CA10: variants seen among roughly 807,000 people sequenced by gnomAD.
CA10 encodes the protein carbonic anhydrase-related protein 10.
In CA10, 14 loss-of-function variants were observed where a neutral mutation model predicts 44.2. That is an observed-to-expected ratio of 0.32 (90% confidence interval 0.21 to 0.50). The LOEUF (loss-of-function observed/expected upper bound fraction) is 0.50. Ranked by LOEUF, CA10 falls within the 20% of genes least tolerant of loss-of-function variation. The pLI is 0.99. For missense variants in CA10, 350 were observed against 409.7 expected, an observed-to-expected ratio of 0.85 and a Z score of 1.26; for synonymous variants, 159 against 141.6, an observed-to-expected ratio of 1.12 and a Z score of -0.87.
chr17:52,148,339 T>C (rs927911746), intron 1 of CA10, among the ~76,000 whole-genome samples: 1 of 152,226 alleles, frequency 6.6e-6, no homozygotes. Context: ...GAGAAAAGAA[T>C]GACAATGTAT....
At chr17:51,754,439 A>ATG (rs1905015661) in intron 3 of CA10, among the ~76,000 whole-genome samples, 1 of 131,382 alleles carries the variant, frequency 7.6e-6, no homozygotes, top group South Asian at 2.4e-4. Context: ...ATATATATAT[A>ATG]TATATATATC....
intron 3 of CA10, among the ~76,000 whole-genome samples, chr17:51,927,945 G>A (rs564389952): frequency 6.6e-6 from 1 of 152,244 alleles, no homozygotes; most frequent in African/African-American, 2.4e-5. Flanking sequence ...AAATTTAACA[G>A]GGTCAAAGGG....
At chr17:51,801,230 T>G (rs192755364) in intron 3 of CA10, among the ~76,000 whole-genome samples, 35 of 152,282 alleles carry the variant, frequency 2.3e-4, no homozygotes, top group Middle Eastern at 6.8e-3. Context: ...CACACACATG[T>G]TCACTTTCGT....
At chr17:51,941,755 C>G (rs1261395713) in intron 2 of CA10, among the ~76,000 whole-genome samples, 1 of 152,174 alleles carries the variant, frequency 6.6e-6, no homozygotes, top group African/African-American at 2.4e-5. Flanking sequence ...AGGTGATCTT[C>G]TTCAGCCTTT....
At chr17:52,052,502 G>A (rs897360611) in intron 2 of CA10, among the ~76,000 whole-genome samples, 5 of 151,874 alleles carry the variant, frequency 3.3e-5, no homozygotes, top group African/African-American at 1.2e-4. Flanking sequence ...CTTCCCACAT[G>A]TTATTACAGA....
chr17:51,641,555 A>G (rs1913087717), intron 6 of CA10, among the ~76,000 whole-genome samples: 2 of 152,200 alleles, frequency 1.3e-5, no homozygotes, highest in Non-Finnish European at 2.9e-5. Context: ...TGTAGAATAT[A>G]TGTGTGTATT....
At chr17:51,677,114 A>G (rs530604293) in intron 4 of CA10, among the ~76,000 whole-genome samples, 11 of 152,276 alleles carry the variant, frequency 7.2e-5, no homozygotes, top group African/African-American at 2.4e-4. Context: ...CTGCTACTTG[A>G]GCCTGCAAAA....
chr17:52,136,712 G>T (rs1351372140), intron 1 of CA10, among the ~76,000 whole-genome samples: 1 of 152,080 alleles, frequency 6.6e-6, no homozygotes, highest in Non-Finnish European at 1.5e-5. Flanking sequence ...ATAATTTCTG[G>T]CAAGAGGCTA....
intron 2 of CA10, among the ~76,000 whole-genome samples, chr17:52,017,716 T>C (rs564117059): frequency 1.7e-3 from 259 of 152,120 alleles, no homozygotes; most frequent in Non-Finnish European, 2.8e-3. Flanking sequence ...GAAAGACCAT[T>C]TTCAGGAGAA....
rs1189461020 is a variant in CA10 at position 51,787,660 on chromosome 17, T to TTG, written c.280-39844_280-39843dup. ...TGCACACCACCATGCCTGGCTATAT[T>TTG]TGTGTGTGTGTATTTTTAGTAGAGA... On this transcript the variant is annotated intron_variant, in intron 3 of 8. Transcript: ENST00000451037. 2.0e-5 allele frequency among the ~76,000 whole-genome samples: 3 copies of TTG among 151,832 alleles called. No individual in the cohort carries two copies. The East Asian group carries it at 5.8e-4, about 29-fold the overall frequency.
rs141167743 is a variant in CA10, at chr17:51,636,717, G to T, written c.635-708C>A. 8.7e-4 allele frequency among the ~76,000 whole-genome samples: 132 copies of T among 151,468 alleles called. No homozygotes were observed. In the East Asian group the frequency reaches 0.018, roughly 21 times the overall value. On this transcript the variant is annotated intron_variant, in intron 6 of 8. Coordinates refer to ENST00000451037, the MANE Select transcript of CA10 (RefSeq NM_020178.5). ...TAAGAAAATATTTTTGGATAGAAAAGTAAATCAGGCCAAATCCTACCATGA... is the reference window on the plus strand; with the variant it reads ...TAAGAAAATATTTTTGGATAGAAAATTAAATCAGGCCAAATCCTACCATGA...
chr17:51,821,964 C>T (rs991237119), intron 3 of CA10, among the ~76,000 whole-genome samples: 5 of 152,184 alleles, frequency 3.3e-5, no homozygotes, highest in Non-Finnish European at 5.9e-5. Context: ...GCCCAGCCCA[C>T]ACACATCAGC....
At chr17:51,886,155 G>T (rs987015601) in intron 3 of CA10, among the ~76,000 whole-genome samples, 1 of 152,166 alleles carries the variant, frequency 6.6e-6, no homozygotes, top group Non-Finnish European at 1.5e-5. Flanking sequence ...ACAGCCACCT[G>T]CATTATTTTC....
At chr17:51,917,414 T>C (rs1455152565) in intron 3 of CA10, among the ~76,000 whole-genome samples, 1 of 152,246 alleles carries the variant, frequency 6.6e-6, no homozygotes, top group East Asian at 1.9e-4. Flanking sequence ...TTTGGTGTTA[T>C]TCACGCTTAG....
chr17:52,051,939 T>C (rs1987083835), intron 2 of CA10, among the ~76,000 whole-genome samples: 1 of 152,084 alleles, frequency 6.6e-6, no homozygotes, highest in South Asian at 2.1e-4. Context: ...CATGGAATAC[T>C]AGGCGGCCAT....
In CA10 at chr17:51,822,549, A is replaced by G. The variant is rs140975744; in HGVS notation, c.280-74731T>C. Among the ~76,000 whole-genome samples the G allele has an allele frequency of 2.5e-3, 378 of 152,300 alleles. 5 individuals carry two copies. Among genetic ancestry groups the G allele is most frequent in the African/African-American group, 8.8e-3 (366 of 41,572 alleles). On this transcript the variant is annotated intron_variant, in intron 3 of 8. Coordinates refer to ENST00000451037, the MANE Select transcript of CA10 (RefSeq NM_020178.5). ...CTACTCTCCTGCTTAATTTTTCTGG[A>G]CATATATAAATTGTTTAGGTGTTTA...
At chr17:51,782,517 T>C (rs946390084) in intron 3 of CA10, among the ~76,000 whole-genome samples, 18 of 152,228 alleles carry the variant, frequency 1.2e-4, no homozygotes, top group Non-Finnish European at 2.4e-4. Context: ...CCAGCATTGG[T>C]TCATTTCTTT....
chr17:51,837,855 C>G (rs1198813635), intron 3 of CA10, among the ~76,000 whole-genome samples: 1 of 152,088 alleles, frequency 6.6e-6, no homozygotes. Flanking sequence ...AGTTAATTAC[C>G]TAATAAAAAT....
intron 3 of CA10, among the ~76,000 whole-genome samples, chr17:51,866,582 CCTT>C (rs1203759611): frequency 1.3e-5 from 2 of 152,218 alleles, no homozygotes; most frequent in Non-Finnish European, 2.9e-5. Context: ...TGCCCTTGCT[CCTT>C]CTGCACCCTG....
Sources: allele counts gnomAD v4.1 joint callset (sites outside exome capture counted in the v4.1 genomes callset), GRCh38; gene constraint gnomAD v4.1.1; transcripts MANE v1.5; gene names NCBI Gene and HGNC (gene_info 2026-07-23, HGNC 2026-07-21).